The following METTL15 variants were observed in gnomAD, a reference collection of about 807,000 sequenced individuals.
METTL15 encodes methyltransferase 15, mitochondrial 12S rRNA N4-cytidine, also known as 12S rRNA N(4)-cytidine methyltransferase METTL15.
METTL15 carries 34 observed loss-of-function variants against 38.3 expected under a neutral mutation model. The observed-to-expected ratio is 0.89, with a 90% CI of 0.68 to 1.18. The LOEUF (loss-of-function observed/expected upper bound fraction) is 1.18, where lower values mean the gene tolerates loss of function less well. Ranked by LOEUF, METTL15 falls within the 50% of genes most tolerant of loss-of-function variation. The pLI, the probability that METTL15 is intolerant of heterozygous loss-of-function variation, is 0.00. For synonymous variants in METTL15, 162 were observed against 170.9 expected, an observed-to-expected ratio of 0.95 and a Z score of 0.41; for missense variants, 438 against 498.4, an observed-to-expected ratio of 0.88 and a Z score of 1.15.
chr11:28,225,063 A>T (rs1017824752), intron 4 of METTL15, among the ~76,000 whole-genome samples: 1 of 151,798 alleles, frequency 6.6e-6, no homozygotes, highest in Non-Finnish European at 1.5e-5. Flanking sequence ...ATATTTATTG[A>T]TTAACCACCA....
At chr11:28,354,067 A>T (rs939527498) in intron 4 of METTL15, among the ~76,000 whole-genome samples, 1 of 152,208 alleles carries the variant, frequency 6.6e-6, no homozygotes, top group East Asian at 1.9e-4. Context: ...GCCAAAAGGC[A>T]GCAAAGAAAT....
intron 3 of METTL15, among the ~76,000 whole-genome samples, chr11:28,190,542 G>A (rs1055578364): frequency 2.6e-5 from 4 of 151,262 alleles, no homozygotes; most frequent in African/African-American, 7.2e-5. Context: ...TGAATGTGAA[G>A]AGATTGTCGT....
chr11:28,239,294 A>G (rs186390049), intron 4 of METTL15, among the ~76,000 whole-genome samples: 4 of 152,366 alleles, frequency 2.6e-5, no homozygotes, highest in Non-Finnish European at 4.4e-5. Context: ...TGTTAAGGGC[A>G]ATTCTATTTT....
At chr11:28,379,203 A>T (rs1177037191) in intron 5 of METTL15, among the ~76,000 whole-genome samples, 1 of 151,736 alleles carries the variant, frequency 6.6e-6, no homozygotes, top group Non-Finnish European at 1.5e-5. Flanking sequence ...TTTAGTCTAA[A>T]TTATGTTTAA....
intron 6 of METTL15, among the ~76,000 whole-genome samples, chr11:28,326,938 G>C (rs1005585941): frequency 6.6e-6 from 1 of 151,440 alleles, no homozygotes; most frequent in Admixed American, 6.6e-5. Flanking sequence ...ATCGTGCCCA[G>C]CATCACATGC....
chr11:28,373,732 T>C (rs886462413), intron 5 of METTL15, among the ~76,000 whole-genome samples: 8 of 152,226 alleles, frequency 5.3e-5, no homozygotes, highest in Non-Finnish European at 1.2e-4. Context: ...AGACATGAAG[T>C]CCTTGCCCGT....
chr11:28,367,293 G>A (rs537177791), intron 5 of METTL15, among the ~76,000 whole-genome samples: 69 of 151,030 alleles, frequency 4.6e-4, no homozygotes, highest in African/African-American at 1.6e-3. Flanking sequence ...AAGATATTAT[G>A]AGCTTCTAAA....
intron 3 of METTL15, among the ~76,000 whole-genome samples, chr11:28,135,788 T>G (rs1470753171): frequency 6.6e-6 from 1 of 152,216 alleles, no homozygotes; most frequent in Non-Finnish European, 1.5e-5. Context: ...GGAGTATACC[T>G]TACTCAATTA....
At chr11:28,218,214 T>C (rs939090217) in intron 4 of METTL15, among the ~76,000 whole-genome samples, 8 of 152,180 alleles carry the variant, frequency 5.3e-5, no homozygotes, top group African/African-American at 1.9e-4. Context: ...TCCACATGTT[T>C]GTATCCTCTT....
At chr11:28,398,731 C>T (rs1850599803) in intron 5 of METTL15, 1 of 152,026 alleles carries the variant, frequency 6.6e-6, no homozygotes, top group Non-Finnish European at 1.5e-5. Flanking sequence ...GTGTTTTAGT[C>T]ATGAAGTCTT....
At chr11:28,421,973 T>A (rs906422077) in intron 5 of METTL15, among the ~76,000 whole-genome samples, 1 of 151,994 alleles carries the variant, frequency 6.6e-6, no homozygotes, top group African/African-American at 2.4e-5. Flanking sequence ...CTATTACTAA[T>A]AAACACATTC....
chr11:28,520,107 A>AGGC (rs1358361359), intron 6 of METTL15, among the ~76,000 whole-genome samples: 1 of 152,194 alleles, frequency 6.6e-6, no homozygotes, highest in Non-Finnish European at 1.5e-5. Flanking sequence ...TGGGAAGCTG[A>AGGC]GGCAGGTGGA....
downstream of METTL15, among the ~76,000 whole-genome samples, chr11:28,530,740 G>A (rs888150242): frequency 3.9e-5 from 6 of 151,924 alleles, no homozygotes; most frequent in African/African-American, 1.4e-4. Context: ...TTTGGACCAT[G>A]AAGATATATT....
chr11:28,368,221 A>G (rs565915387), intron 5 of METTL15, among the ~76,000 whole-genome samples: 2 of 152,066 alleles, frequency 1.3e-5, no homozygotes, highest in South Asian at 2.1e-4. Flanking sequence ...GGCAACCTAC[A>G]GAATGGGAGA....
At chr11:28,376,755 C>T (rs1304019274) in intron 5 of METTL15, among the ~76,000 whole-genome samples, 56 of 150,600 alleles carry the variant, frequency 3.7e-4, no homozygotes, top group African/African-American at 1.0e-3. Flanking sequence ...TTCGTAGTCT[C>T]GATGGTCTTT....
chr11:28,237,356 C>G (rs1404469239), intron 4 of METTL15, among the ~76,000 whole-genome samples: 1 of 152,162 alleles, frequency 6.6e-6, no homozygotes, highest in Non-Finnish European at 1.5e-5. Flanking sequence ...TTCATTTCAT[C>G]TTCCATCACT....
intron 6 of METTL15, among the ~76,000 whole-genome samples, chr11:28,441,281 G>A (rs192185460): frequency 1.2e-3 from 183 of 152,054 alleles, no homozygotes; most frequent in African/African-American, 4.3e-3. Flanking sequence ...GTTTCACCAT[G>A]TTGGCCAGGC....
At position 28,283,684 on chromosome 11, in the gene METTL15, G is replaced by A. The variant is rs1243072800; in HGVS notation, c.408-6522G>A. 4.6e-5 allele frequency among the ~76,000 whole-genome samples: 7 copies of A among 152,134 alleles called. No homozygotes were observed. The East Asian group carries it at 1.2e-3, about 25-fold the overall frequency. Reference sequence around the variant, plus strand: ...ATTAACAATACTTATTACAGTCAGAGAACCTCAGAAATGGCTGCCTACAAC... The same window carrying A: ...ATTAACAATACTTATTACAGTCAGAAAACCTCAGAAATGGCTGCCTACAAC... On this transcript the variant is annotated intron_variant, in intron 4 of 6. Transcript: ENST00000407364.
At chr11:28,136,939 A>G (rs1849534229) in intron 3 of METTL15, among the ~76,000 whole-genome samples, 1 of 151,776 alleles carries the variant, frequency 6.6e-6, no homozygotes, top group African/African-American at 2.4e-5. Flanking sequence ...ATTATCTTTT[A>G]CTGTTACATG....
Sources: gnomAD v4.1 joint callset for allele counts (sites outside exome capture counted in the v4.1 genomes callset) on GRCh38, gnomAD v4.1.1 for gene constraint, MANE v1.5 for transcripts, NCBI Gene and HGNC (gene_info 2026-07-23, HGNC 2026-07-21) for gene names.